CAMK2B: variants seen among roughly 807,000 people sequenced by gnomAD.
The protein encoded by CAMK2B is calcium/calmodulin-dependent protein kinase type II subunit beta.
A neutral mutation model predicts 93.7 loss-of-function variants in CAMK2B; 27 were observed. The observed-to-expected ratio is 0.29, with a 90% CI of 0.21 to 0.40. The LOEUF is 0.40. Among genes scored for constraint, CAMK2B ranks in the 10% least tolerant of loss-of-function variants. The probability of loss-of-function intolerance (pLI) is 1.00; values close to 1 mark genes in which losing one functional copy is unlikely to be tolerated. For synonymous variants in CAMK2B, 374 were observed against 358.8 expected (o/e 1.04, Z -0.48); for missense variants, 568 against 895.8 (o/e 0.63, Z 4.67).
chr7:44,251,071 G>A (rs902999644), intron 5 of CAMK2B, among the ~76,000 whole-genome samples: 5 of 152,140 alleles, frequency 3.3e-5, no homozygotes, highest in Admixed American at 1.3e-4. Context: ...GCTGCTCCAC[G>A]GCAGCAGCTC....
At chr7:44,321,249 T>A (rs1335167564) in intron 1 of CAMK2B, among the ~76,000 whole-genome samples, 1 of 152,242 alleles carries the variant, frequency 6.6e-6, no homozygotes, top group Admixed American at 6.5e-5. Flanking sequence ...CATTCGCTTG[T>A]TCACAGTGTG....
At chr7:44,300,116 A>G (rs1394157110) in intron 1 of CAMK2B, among the ~76,000 whole-genome samples, 1 of 151,840 alleles carries the variant, frequency 6.6e-6, no homozygotes, top group Admixed American at 6.6e-5. Context: ...GCAGTAGCAC[A>G]ATCATGGCTC....
Position 44,225,845 on chromosome 7 carries a change from T to G in CAMK2B, c.1597+671A>C. On this transcript the variant is annotated intron_variant, in intron 20 of 23. Transcript: ENST00000395749. This position sits in a 1 kb window ranked among gnomAD's most constrained non-coding sequence, Gnocchi z 5.0. ...TCTCCACACCACCCCCAGTCTGGTG[T>G]CTCCCCACAGGTGGGGGTGGCAGCA... 7.8e-7 allele frequency: 1 copy of G among 1,289,192 alleles called. No homozygotes were observed. The highest frequency in any genetic ancestry group is 1.0e-6 in the Non-Finnish European group (1 of 988,658). 79.9% of individuals were successfully genotyped at this position (1,289,192 alleles called of 1,614,324 possible). A position where few individuals can be genotyped will look rare whatever the true frequency, so the allele number is the denominator to read the frequency against.
At chr7:44,239,524 G>A in intron 13 of CAMK2B, 65 bp downstream of exon 13, 2 of 1,394,972 alleles carry the variant, frequency 1.4e-6, no homozygotes, top group Non-Finnish European at 9.9e-7. Context: ...GCGTGCAGCA[G>A]GGGGCTGCAT....
intron 1 of CAMK2B, among the ~76,000 whole-genome samples, chr7:44,307,804 T>TAA (rs1418481772): frequency 6.6e-6 from 1 of 152,154 alleles, no homozygotes; most frequent in Admixed American, 6.5e-5. Context: ...TTTTACCCAC[T>TAA]GAAAGCTTTC....
Position 44,225,139 on chromosome 7 carries a change from C to G in CAMK2B, c.1597+1377G>C, listed in dbSNP as rs1420017717. 6.6e-6 allele frequency among the ~76,000 whole-genome samples: 1 copy of G among 152,144 alleles called. No homozygotes were observed. The highest frequency in any genetic ancestry group is 1.5e-5 in the Non-Finnish European group (1 of 68,018). On this transcript the variant is annotated intron_variant, in intron 20 of 23. Coordinates refer to ENST00000395749, the MANE Select transcript of CAMK2B (RefSeq NM_001220.5). This position sits in a 1 kb window ranked among gnomAD's most constrained non-coding sequence, Gnocchi z 5.0. Reference sequence around the variant, plus strand: ...CCCCGAGCTGGCCACTCCACACCCACCCTGGGCCCTGTCCTCAGAGGACTC... The same window carrying G: ...CCCCGAGCTGGCCACTCCACACCCAGCCTGGGCCCTGTCCTCAGAGGACTC...
intron 1 of CAMK2B, among the ~76,000 whole-genome samples, chr7:44,320,148 T>G (rs1795732299): frequency 1.3e-5 from 2 of 152,142 alleles, no homozygotes; most frequent in Admixed American, 6.5e-5. Context: ...AAATAAAAAT[T>G]TCTAGTCTTG....
chr7:44,273,169 G>C (rs2096991127), intron 2 of CAMK2B, among the ~76,000 whole-genome samples: 1 of 152,078 alleles, frequency 6.6e-6, no homozygotes, highest in Non-Finnish European at 1.5e-5. Context: ...CCAACCCATG[G>C]AATTATTCAA....
intron 2 of CAMK2B, among the ~76,000 whole-genome samples, chr7:44,277,805 C>T (rs2097062295): frequency 6.6e-6 from 1 of 152,136 alleles, no homozygotes; most frequent in South Asian, 2.1e-4. Flanking sequence ...TCTCCATCCC[C>T]CACCTCCCTG....
Position 44,225,908 on chromosome 7 carries a change from G to A in CAMK2B, c.1597+608C>T, listed in dbSNP as rs1384155382. 1.9e-5 allele frequency: 24 copies of A among 1,285,552 alleles called. No homozygotes were observed. Among genetic ancestry groups the A allele is most frequent in the African/African-American group, 9.1e-5 (6 of 65,758 alleles). The allele number at this position is 1,285,552 out of a possible 1,614,324, so 79.6% of individuals were successfully genotyped here. On this transcript the variant is annotated intron_variant, in intron 20 of 23. Coordinates refer to ENST00000395749, the MANE Select transcript of CAMK2B (RefSeq NM_001220.5). The surrounding 1 kb of genome is among the most constrained non-coding windows in gnomAD (Gnocchi z 5.0). The stretch of plus-strand genomic sequence containing the variant: ...CATCCATCCCTGTAAGTGATACTGC[G>A]GGTAGTCGGCAGACAGACCGGGAGG...
At position 44,280,732 on chromosome 7, in the gene CAMK2B, G is replaced by C. The variant is rs1341046150; in HGVS notation, c.160+3399C>G. Among the ~76,000 whole-genome samples, 3 of 152,140 alleles carry C rather than the reference G, an allele frequency of 2.0e-5. No homozygotes were observed. In the South Asian group the frequency reaches 6.2e-4, roughly 32 times the overall value. On this transcript the variant is annotated intron_variant, in intron 2 of 23. Transcript: ENST00000395749. ...TACAGCCAGAAAAGTAGCAGCCTTC[G>C]TTCAACAGAACATCACACAGCAGTG...
At chr7:44,288,852 C>T (rs1785893422) in intron 1 of CAMK2B, among the ~76,000 whole-genome samples, 5 of 152,090 alleles carry the variant, frequency 3.3e-5, no homozygotes. Context: ...TCAGGCTTCT[C>T]GCGCGATAAT....
chr7:44,317,646 CTT>C (rs33918663), intron 1 of CAMK2B, among the ~76,000 whole-genome samples: 68,671 of 151,792 alleles, frequency 0.45, 16,120 homozygotes, highest in Middle Eastern at 0.5. Flanking sequence ...TCACCTGTTT[CTT>C]TTTTTTCTTT....
At chr7:44,250,029 C>T (rs937475183) in intron 5 of CAMK2B, among the ~76,000 whole-genome samples, 9 of 152,326 alleles carry the variant, frequency 5.9e-5, no homozygotes, top group East Asian at 1.9e-4. Flanking sequence ...AGATCAAGTC[C>T]GCCCCATCCA....
chr7:44,219,683 G>A (rs945046582), intron 23 of CAMK2B, 161 bp from the exon 24 acceptor site: 11 of 284,986 alleles, frequency 3.9e-5, no homozygotes, highest in African/African-American at 2.4e-4. Context: ...TACTATCCCT[G>A]TAAAACTGGG....
At chr7:44,305,033 T>C (rs1246918428) in intron 1 of CAMK2B, among the ~76,000 whole-genome samples, 1 of 152,142 alleles carries the variant, frequency 6.6e-6, no homozygotes, top group Non-Finnish European at 1.5e-5. Context: ...GCCTATATAT[T>C]TGCCATATAG....
intron 5 of CAMK2B, 97 bp from the exon 6 acceptor site, chr7:44,247,289 G>C (rs758109918): frequency 1.0e-6 from 1 of 976,004 alleles, no homozygotes. Flanking sequence ...GGCCTGGGGG[G>C]ACCAGGGGGA....
intron 20 of CAMK2B, among the ~76,000 whole-genome samples, chr7:44,221,432 G>GCGTGGTCTCTTGTTCCCCGCTTTTCTCAT (rs1444976242): frequency 6.6e-6 from 1 of 152,090 alleles, no homozygotes; most frequent in African/African-American, 2.4e-5. Flanking sequence ...ACCTGCCTCA[G>GCGTGGTCTCTTGTTCCCCGCTTTTCTCAT]AGAAGGAGCC....
At chr7:44,301,235 C>T (rs1789924902) in intron 1 of CAMK2B, among the ~76,000 whole-genome samples, 1 of 152,166 alleles carries the variant, frequency 6.6e-6, no homozygotes, top group Non-Finnish European at 1.5e-5. Context: ...TCAAATGATC[C>T]TCCCGCCTCA....
Sources: gnomAD v4.1 joint callset for allele counts (sites outside exome capture counted in the v4.1 genomes callset) on GRCh38, gnomAD v4.1.1 for gene constraint, Gnocchi (gnomAD v3.1) non-coding constraint, MANE v1.5 for transcripts, NCBI Gene and HGNC (gene_info 2026-07-23, HGNC 2026-07-21) for gene names.